Variants in CREB5 observed in about 807,000 individuals in gnomAD.
The protein encoded by CREB5 is cAMP responsive element binding protein 5, also known as cyclic AMP-responsive element-binding protein 5.
A neutral mutation model predicts 57.1 loss-of-function variants in CREB5; 19 were observed. The ratio of observed to expected loss-of-function variants is 0.33; its 90% CI spans 0.23 to 0.49. CREB5 has a LOEUF of 0.49. Among genes scored for constraint, CREB5 ranks in the 20% least tolerant of loss-of-function variants. The probability of loss-of-function intolerance (pLI) is 0.99; values close to 1 mark genes in which losing one functional copy is unlikely to be tolerated. For synonymous variants in CREB5, 238 were observed against 238.3 expected, an observed-to-expected ratio of 1.00 and a Z score of 0.01; for missense variants, 579 against 671.6, an observed-to-expected ratio of 0.86 and a Z score of 1.52.
intron 1 of CREB5, among the ~76,000 whole-genome samples, chr7:28,420,697 A>G (rs1239205461): frequency 3.0e-4 from 45 of 151,490 alleles, no homozygotes; most frequent in Non-Finnish European, 5.9e-5. Context: ...AGTCCCAGCT[A>G]CTCGGGAGGC....
At chr7:28,686,790 A>G (rs1390826894) in intron 5 of CREB5, among the ~76,000 whole-genome samples, 3 of 152,306 alleles carry the variant, frequency 2.0e-5, no homozygotes, top group East Asian at 3.9e-4. Flanking sequence ...TGCAATCTCT[A>G]ATTATTCACA....
At chr7:28,306,560 T>TC (rs1269528818) in intron 1 of CREB5, among the ~76,000 whole-genome samples, 1 of 91,496 alleles carries the variant, frequency 1.1e-5, no homozygotes, top group Non-Finnish European at 2.3e-5. Context: ...TTTTTGTTTT[T>TC]TTTTTTTTTT....
intron 2 of CREB5, among the ~76,000 whole-genome samples, chr7:28,492,297 C>T (rs1583532575): frequency 1.3e-5 from 2 of 152,240 alleles, no homozygotes; most frequent in East Asian, 3.9e-4. Context: ...ACCGTGGCCA[C>T]GTGGGAGATT....
intron 5 of CREB5, among the ~76,000 whole-genome samples, chr7:28,640,816 A>T (rs1219569127): frequency 6.6e-6 from 1 of 152,188 alleles, no homozygotes; most frequent in African/African-American, 2.4e-5. Flanking sequence ...TCCCTAGAGT[A>T]CTGAGGGAAA....
intron 1 of CREB5, among the ~76,000 whole-genome samples, chr7:28,354,093 A>G (rs1319853918): frequency 6.6e-6 from 1 of 152,210 alleles, no homozygotes; most frequent in Non-Finnish European, 1.5e-5. Flanking sequence ...TTCTGCCAGC[A>G]GGATAGAGAA....
chr7:28,680,988 T>A (rs967883200), intron 5 of CREB5, among the ~76,000 whole-genome samples: 10 of 152,138 alleles, frequency 6.6e-5, no homozygotes, highest in Admixed American at 3.3e-4. Flanking sequence ...CAAGTTCCAA[T>A]TTCCCTGGGT....
chr7:28,701,865 A>C (rs1166897592), intron 5 of CREB5, among the ~76,000 whole-genome samples: 3 of 152,274 alleles, frequency 2.0e-5, no homozygotes, highest in Non-Finnish European at 4.4e-5. Flanking sequence ...TCAAATAATA[A>C]AAAGAGAAAT....
intron 1 of CREB5, among the ~76,000 whole-genome samples, chr7:28,419,587 T>C (rs1788159283): frequency 6.6e-6 from 1 of 152,208 alleles, no homozygotes; most frequent in African/African-American, 2.4e-5. Context: ...GCTTATGGTG[T>C]TTATGCTTAT....
At chr7:28,681,438 T>C (rs1219096794) in intron 5 of CREB5, among the ~76,000 whole-genome samples, 2 of 152,134 alleles carry the variant, frequency 1.3e-5, no homozygotes, top group South Asian at 4.1e-4. Context: ...GGTGCGATCA[T>C]GCCTCACTGT....
At chr7:28,448,241 C>T (rs1258083590) in intron 1 of CREB5, among the ~76,000 whole-genome samples, 3 of 152,232 alleles carry the variant, frequency 2.0e-5, no homozygotes, top group African/African-American at 7.2e-5. Flanking sequence ...GACTGGCTCT[C>T]CTTGCTCAGC....
At chr7:28,506,465 T>C (rs2128606166) in intron 3 of CREB5, among the ~76,000 whole-genome samples, 1 of 152,336 alleles carries the variant, frequency 6.6e-6, no homozygotes, top group East Asian at 1.9e-4. Context: ...TCCAGTCTAC[T>C]ACAGGGTTAG....
At chr7:28,398,260 C>T (rs939622258) in intron 1 of CREB5, among the ~76,000 whole-genome samples, 5 of 152,024 alleles carry the variant, frequency 3.3e-5, no homozygotes, top group African/African-American at 9.7e-5. Context: ...CTTTTTGTGT[C>T]GGGCCTCATG....
intron 3 of CREB5, among the ~76,000 whole-genome samples, chr7:28,499,622 T>C (rs1364064547): frequency 6.6e-6 from 1 of 152,156 alleles, no homozygotes; most frequent in Non-Finnish European, 1.5e-5. Context: ...TCGCTCTCGT[T>C]GCCCAGGCTG....
chr7:28,358,266 C>T (rs1484329103), intron 1 of CREB5, among the ~76,000 whole-genome samples: 1 of 152,212 alleles, frequency 6.6e-6, no homozygotes, highest in Non-Finnish European at 1.5e-5. Context: ...AGGAGAAGAG[C>T]TGCTAAGCTG....
At chr7:28,602,396 G>C (rs1796953816) in intron 5 of CREB5, among the ~76,000 whole-genome samples, 1 of 152,084 alleles carries the variant, frequency 6.6e-6, no homozygotes, top group African/African-American at 2.4e-5. Context: ...CAAAGTGCTG[G>C]GATTACAGTG....
At chr7:28,355,200 G>A (rs372109474) in intron 1 of CREB5, among the ~76,000 whole-genome samples, 10 of 152,314 alleles carry the variant, frequency 6.6e-5, no homozygotes, top group African/African-American at 2.2e-4. Context: ...ATGGTGACAG[G>A]TTACAAGACA....
At chr7:28,373,523 C>T (rs1314317093) in intron 1 of CREB5, among the ~76,000 whole-genome samples, 1 of 150,800 alleles carries the variant, frequency 6.6e-6, no homozygotes, top group Non-Finnish European at 1.5e-5. Context: ...TCACTGCAAC[C>T]TCTGCCTCTG....
chr7:28,816,135 T>A (rs1809428748), intron 9 of CREB5, among the ~76,000 whole-genome samples: 1 of 152,156 alleles, frequency 6.6e-6, no homozygotes. Flanking sequence ...TGTTTTTTTT[T>A]AACCAGAGAT....
At chr7:28,600,566 A>G (rs1365789698) in intron 5 of CREB5, among the ~76,000 whole-genome samples, 1 of 152,204 alleles carries the variant, frequency 6.6e-6, no homozygotes, top group African/African-American at 2.4e-5. Flanking sequence ...TGCGCTATTC[A>G]TGGAAGAGGT....
Sources: allele counts gnomAD v4.1 joint callset (sites outside exome capture counted in the v4.1 genomes callset), GRCh38; gene constraint gnomAD v4.1.1; transcripts MANE v1.5; gene names NCBI Gene and HGNC (gene_info 2026-07-23, HGNC 2026-07-21).